The following NMNAT2 variants were observed in gnomAD, a reference collection of about 807,000 sequenced individuals.
The protein encoded by NMNAT2 is nicotinamide/nicotinic acid mononucleotide adenylyltransferase 2.
Under a neutral mutation model 41.6 loss-of-function variants are expected in NMNAT2, and 11 were observed. The observed-to-expected ratio is 0.26, with a 90% CI of 0.17 to 0.44. NMNAT2 has a LOEUF of 0.44. Among genes scored for constraint, NMNAT2 ranks in the 20% least tolerant of loss-of-function variants. The probability of loss-of-function intolerance (pLI) is 1.00; values close to 1 mark genes in which losing one functional copy is unlikely to be tolerated. For missense variants in NMNAT2, 288 were observed against 407.7 expected (o/e 0.71, Z 2.53); for synonymous variants, 148 against 151.2 (o/e 0.98, Z 0.16).
At chr1:183,334,435 A>ACACTCAAG (rs1662643098) in intron 1 of NMNAT2, among the ~76,000 whole-genome samples, 1 of 152,078 alleles carries the variant, frequency 6.6e-6, no homozygotes. Context: ...AGATTCAACT[A>ACACTCAAG]AGTTTATTTC....
intron 1 of NMNAT2, among the ~76,000 whole-genome samples, chr1:183,368,944 C>A (rs1349761416): frequency 6.6e-6 from 1 of 152,190 alleles, no homozygotes; most frequent in Admixed American, 6.5e-5. Context: ...GCAGGGAGAG[C>A]TCTTCTATTA....
In NMNAT2 at chr1:183,284,796, G is replaced by C. The variant is rs1248553738; in HGVS notation, c.449-6C>G. The stretch of plus-strand genomic sequence containing the variant: ...CACCTTCCCCAAGATCTTGGCTATG[G>C]GAGAGAGCAAGACAGACAGGGACAG... On this transcript the variant is annotated splice_polypyrimidine_tract_variant and splice_region_variant and intron_variant, in intron 5 of 10. Transcript: ENST00000287713. The C allele has an allele frequency of 6.2e-7, 1 of 1,613,404 alleles. No individual in the cohort carries two copies. The highest frequency in any genetic ancestry group is 8.5e-7 in the Non-Finnish European group (1 of 1,179,316).
chr1:183,284,617 G>A, intron 6 of NMNAT2, 93 bp downstream of exon 6: 5 of 1,054,102 alleles, frequency 4.7e-6, no homozygotes, highest in Non-Finnish European at 7.4e-6. Flanking sequence ...ATTTGCGGTG[G>A]GGGGAATGTG....
At chr1:183,264,111 CT>C (rs971456852) in intron 8 of NMNAT2, among the ~76,000 whole-genome samples, 16 of 152,108 alleles carry the variant, frequency 1.1e-4, no homozygotes, top group African/African-American at 3.4e-4. Context: ...TCAAGATAAC[CT>C]AGTATAGATT....
chr1:183,319,740 A>G (rs1337876804), intron 1 of NMNAT2, among the ~76,000 whole-genome samples: 5 of 152,054 alleles, frequency 3.3e-5, no homozygotes, highest in Non-Finnish European at 7.4e-5. Flanking sequence ...AACCGGCAGG[A>G]TATTCCTCCT....
intron 1 of NMNAT2, among the ~76,000 whole-genome samples, chr1:183,337,807 G>T (rs912598701): frequency 6.6e-6 from 1 of 152,074 alleles, no homozygotes; most frequent in Non-Finnish European, 1.5e-5. Context: ...TTTTCCAAGG[G>T]TCTAAATGCC....
intron 1 of NMNAT2, among the ~76,000 whole-genome samples, chr1:183,341,686 AAG>A (rs371507028): frequency 3.3e-4 from 5 of 15,172 alleles, no homozygotes; most frequent in East Asian, 0.01. Context: ...GAAAAAAAAA[AAG>A]AGAGAGAGAG....
intron 1 of NMNAT2, among the ~76,000 whole-genome samples, chr1:183,376,508 A>C (rs546506422): frequency 6.6e-6 from 1 of 152,328 alleles, no homozygotes; most frequent in South Asian, 2.1e-4. Context: ...ACTGTTCACT[A>C]TTCCAAGAGT....
chr1:183,262,178 A>T (rs1188409533), intron 8 of NMNAT2, among the ~76,000 whole-genome samples: 2 of 152,038 alleles, frequency 1.3e-5, no homozygotes, highest in Non-Finnish European at 2.9e-5. Context: ...TGATCATCCC[A>T]CCTCAGCCTC....
intron 8 of NMNAT2, among the ~76,000 whole-genome samples, chr1:183,274,413 G>T (rs1211302319): frequency 6.6e-6 from 1 of 152,024 alleles, no homozygotes; most frequent in Non-Finnish European, 1.5e-5. Context: ...CCGGGTTCAA[G>T]CGATTCTCCT....
chr1:183,376,084 T>A (rs571063243), intron 1 of NMNAT2, among the ~76,000 whole-genome samples: 3 of 152,290 alleles, frequency 2.0e-5, no homozygotes, highest in Non-Finnish European at 4.4e-5. Context: ...GGGGAACACC[T>A]AAGGAGTGCT....
intron 1 of NMNAT2, among the ~76,000 whole-genome samples, chr1:183,407,465 C>G (rs1354285347): frequency 6.6e-6 from 1 of 151,920 alleles, no homozygotes; most frequent in Non-Finnish European, 1.5e-5. Flanking sequence ...TTCTGAGCAT[C>G]TATTTTGCCT....
At chr1:183,288,204 T>C (rs1661443485) in intron 4 of NMNAT2, among the ~76,000 whole-genome samples, 1 of 152,296 alleles carries the variant, frequency 6.6e-6, no homozygotes, top group Admixed American at 6.5e-5. Context: ...AAGTAGAAAA[T>C]GGCTGGCTGC....
rs1316956284 is a variant in NMNAT2, at chr1:183,292,770, C to T, written c.242+20G>A. The T allele has an allele frequency of 6.2e-7, 1 of 1,611,262 alleles. No individual in the cohort carries two copies. The highest frequency in any genetic ancestry group is 8.5e-7 in the Non-Finnish European group (1 of 1,178,136). On this transcript the variant is annotated intron_variant, in intron 3 of 10. Transcript: ENST00000287713. ...TAAGTCTCCGGGCCACTGCCTCTGG[C>T]ATCTTCAGGCCAGTCCTACCTGATC... is the stretch of plus-strand genomic sequence containing the variant.
intron 1 of NMNAT2, chr1:183,304,669 C>A: frequency 1.9e-6 from 3 of 1,613,984 alleles, no homozygotes; most frequent in Non-Finnish European, 2.5e-6. Context: ...TCTGAACTCA[C>A]CTGAGAGAGT....
At chr1:183,325,614 C>T (rs1662445096) in intron 1 of NMNAT2, among the ~76,000 whole-genome samples, 1 of 152,142 alleles carries the variant, frequency 6.6e-6, no homozygotes, top group Non-Finnish European at 1.5e-5. Context: ...AATAAAACTC[C>T]CTTTCACCTC....
intron 1 of NMNAT2, among the ~76,000 whole-genome samples, chr1:183,389,733 CAAAAAAGAAAGAAAGAAAGAAAGA>C (rs1648381901): frequency 8.9e-6 from 1 of 112,702 alleles, no homozygotes; most frequent in African/African-American, 3.6e-5. Flanking sequence ...AAGACCCTGT[CAAAAAAGAAAGAAAGAAAGAAAGA>C]AAGAAAGAAA....
At chr1:183,276,236 G>A (rs1328422838) in intron 8 of NMNAT2, among the ~76,000 whole-genome samples, 1 of 152,114 alleles carries the variant, frequency 6.6e-6, no homozygotes, top group Non-Finnish European at 1.5e-5. Context: ...TAGTCAAGTG[G>A]GAACATATTT....
At position 183,249,209 on chromosome 1, in the gene NMNAT2, T is replaced by C. The variant is rs919750562; in HGVS notation, c.*3432A>G. 4.6e-5 allele frequency: 7 copies of C among 152,138 alleles called. No individual in the cohort carries two copies. The highest frequency in any genetic ancestry group is 8.8e-5 in the Non-Finnish European group (6 of 68,034). The allele number at this position is 152,138 out of a possible 1,614,324, so 9.4% of individuals were successfully genotyped here. A position where few individuals can be genotyped will look rare whatever the true frequency, so the allele number is the denominator to read the frequency against. On this transcript the variant is annotated 3_prime_UTR_variant, in exon 11 of 11. Coordinates refer to ENST00000287713, the MANE Select transcript of NMNAT2 (RefSeq NM_015039.4). ...CTTTCCCCCTTGTTCCTATGTACAT[T>C]CAAGGAAAATGAAAGCAAGAAGGCT... is the stretch of plus-strand genomic sequence containing the variant.
Sources: allele counts gnomAD v4.1 joint callset (sites outside exome capture counted in the v4.1 genomes callset), GRCh38; gene constraint gnomAD v4.1.1; transcripts MANE v1.5; gene names NCBI Gene and HGNC (gene_info 2026-07-23, HGNC 2026-07-21).